The following IQGAP1 variants were observed in gnomAD, a reference collection of about 807,000 sequenced individuals.
IQGAP1 encodes IQ motif containing GTPase activating protein 1, also known as ras GTPase-activating-like protein IQGAP1.
IQGAP1 carries 66 observed loss-of-function variants against 215.6 expected under a neutral mutation model. The ratio of observed to expected loss-of-function variants is 0.31; its 90% CI spans 0.25 to 0.38. The LOEUF is 0.38. Ranked by LOEUF, IQGAP1 falls within the 10% of genes least tolerant of loss-of-function variation. The probability of loss-of-function intolerance (pLI) is 1.00; values close to 1 mark genes in which losing one functional copy is unlikely to be tolerated. For missense variants in IQGAP1, 1,712 were observed against 1,997.1 expected, an observed-to-expected ratio of 0.86 and a Z score of 2.72; for synonymous variants, 772 against 728.7, an observed-to-expected ratio of 1.06 and a Z score of -0.96.
In IQGAP1 at chr15:90,450,942, C is replaced by T. The variant is rs1596272882; in HGVS notation, c.1162+1299C>T. ...GTCTCTTCACTTTGTTGTTGGTTTC[C>T]TTTGCTGTGCAGAAGCTTTTTAGCT... On this transcript the variant is annotated intron_variant, in intron 11 of 37. Coordinates refer to ENST00000268182, the MANE Select transcript of IQGAP1 (RefSeq NM_003870.4). 2.0e-5 allele frequency among the ~76,000 whole-genome samples: 3 copies of T among 151,786 alleles called. No homozygotes were observed. The East Asian group carries it at 5.8e-4, about 29-fold the overall frequency.
chr15:90,394,135 C>CA (rs56810085), intron 2 of IQGAP1, among the ~76,000 whole-genome samples: 1,880 of 73,970 alleles, frequency 0.025, 21 homozygotes, highest in East Asian at 0.041. Flanking sequence ...AACTCTGTCT[C>CA]AAAAAAAAAA....
intron 15 of IQGAP1, among the ~76,000 whole-genome samples, chr15:90,457,286 T>TTAATGATA: frequency 6.6e-6 from 1 of 152,184 alleles, no homozygotes; most frequent in South Asian, 2.1e-4. Flanking sequence ...CTAAATAATG[T>TTAATGATA]TAATGATATG....
At chr15:90,420,920 A>G in intron 2 of IQGAP1, among the ~76,000 whole-genome samples, 1 of 152,158 alleles carries the variant, frequency 6.6e-6, no homozygotes, top group East Asian at 1.9e-4. Context: ...TGGGAGGCCA[A>G]GGTGGGCGGA....
chr15:90,399,538 C>T (rs1964776395), intron 2 of IQGAP1, among the ~76,000 whole-genome samples: 1 of 152,076 alleles, frequency 6.6e-6, no homozygotes, highest in African/African-American at 2.4e-5. Flanking sequence ...TTGTTTTCTT[C>T]ATTGTAGTTT....
intron 15 of IQGAP1, among the ~76,000 whole-genome samples, chr15:90,457,799 C>A (rs1321132180): frequency 6.6e-6 from 1 of 152,046 alleles, no homozygotes; most frequent in Admixed American, 6.5e-5. Context: ...ATGTGCATTT[C>A]TGTTAGGTAT....
chr15:90,488,261 T>TAAAA (rs1555441989), intron 33 of IQGAP1, among the ~76,000 whole-genome samples: 2 of 151,404 alleles, frequency 1.3e-5, no homozygotes, highest in African/African-American at 2.4e-5. Context: ...AATAAATAAA[T>TAAAA]AAAATGTTGT....
chr15:90,445,244 C>T (rs1815245396), intron 9 of IQGAP1, among the ~76,000 whole-genome samples: 2 of 151,604 alleles, frequency 1.3e-5, no homozygotes, highest in South Asian at 4.2e-4. Flanking sequence ...CCTGCAGTAG[C>T]GTTGTTAGAC....
intron 33 of IQGAP1, among the ~76,000 whole-genome samples, chr15:90,489,428 A>G (rs1375777701): frequency 3.3e-5 from 5 of 152,212 alleles, no homozygotes; most frequent in African/African-American, 9.6e-5. Context: ...GCACCCGGCC[A>G]TAGACCTCTG....
intron 2 of IQGAP1, among the ~76,000 whole-genome samples, chr15:90,407,214 C>G (rs1964892066): frequency 6.6e-6 from 1 of 151,916 alleles, no homozygotes; most frequent in South Asian, 2.1e-4. Flanking sequence ...AGAGCGTGTT[C>G]GATGAGTATG....
rs1482590777 is a variant in IQGAP1 at position 90,441,491 on chromosome 15, T to G, written c.650-15T>G. 2 of 1,589,130 alleles carry G rather than the reference T, an allele frequency of 1.3e-6. No homozygotes were observed. The highest frequency in any genetic ancestry group is 1.4e-5 in the African/African-American group (1 of 72,914). On this transcript the variant is annotated splice_polypyrimidine_tract_variant and intron_variant, in intron 7 of 37. Transcript: ENST00000268182. ...CAGTGTTTTTGTTGGTTTGTTTTTT[T>G]GTTTTTTTTTTTAGTACATGCTGCT... is the stretch of plus-strand genomic sequence containing the variant.
At position 90,388,366 on chromosome 15, in the gene IQGAP1, G is replaced by A; in HGVS notation, c.25G>A (p.Gly9Arg). Residue 9 changes from glycine to arginine, a missense_variant, in exon 1 of 38, where the codon GGG (glycine) becomes AGG (arginine). Around this residue, in one of 2 missense-constraint regions of IQGAP1, gnomAD observed 1,021 missense variants for 1,074.2 expected, o/e 0.95. Transcript: ENST00000268182. Reference protein sequence around the residue: MSAADEVDGLGVARPHYGS... With the variant: MSAADEVDRLGVARPHYGS... ...CATGTCCGCCGCAGACGAGGTTGACGGGCTGGGCGTGGCCCGGCCGCACTA... is the reference window on the plus strand; with the variant it reads ...CATGTCCGCCGCAGACGAGGTTGACAGGCTGGGCGTGGCCCGGCCGCACTA... 6.3e-7 allele frequency: 1 copy of A among 1,593,812 alleles called. No individual in the cohort carries two copies. The highest frequency in any genetic ancestry group is 1.7e-5 in the Admixed American group (1 of 59,004).
chr15:90,445,071 G>A (rs1965508216), intron 9 of IQGAP1, among the ~76,000 whole-genome samples: 1 of 152,058 alleles, frequency 6.6e-6, no homozygotes, highest in Non-Finnish European at 1.5e-5. Flanking sequence ...ACAGTGAGCT[G>A]TGTTCGCACC....
chr15:90,466,395 A>T lies in IQGAP1; in HGVS notation c.1994A>T (p.His665Leu). ...ATCCCTGAGTGTGGTGAAACTTACC[A>T]CAGTGATCTTGCTGAAGCCAAGAAG... is the stretch of plus-strand genomic sequence containing the variant. ...GVIPECGETY[H>L]SDLAEAKKKK... Residue 665 changes from histidine (H) to leucine (L), a missense_variant, in exon 17 of 38, where the codon CAC becomes CTC. This residue lies in a region of IQGAP1 where 1,021 missense variants were observed against 1,074.2 expected (regional missense o/e 0.95). Transcript: ENST00000268182. 6.2e-7 allele frequency: 1 copy of T among 1,614,110 alleles called. No individual in the cohort carries two copies. Among genetic ancestry groups the T allele is most frequent in the Non-Finnish European group, 8.5e-7 (1 of 1,180,010 alleles).
chr15:90,492,420 A>G, intron 34 of IQGAP1, 125 bp from the exon 35 acceptor site: 2 of 86,760 alleles, frequency 2.3e-5, no homozygotes, highest in East Asian at 2.5e-4. Flanking sequence ...CAGAGTGTCT[A>G]AAAAAAAAAA....
chr15:90,451,738 T>G (rs1263553363), intron 11 of IQGAP1, among the ~76,000 whole-genome samples: 1 of 151,952 alleles, frequency 6.6e-6, no homozygotes, highest in Non-Finnish European at 1.5e-5. Flanking sequence ...CTGATGTGTG[T>G]TCTTGGTGTC....
Position 90,483,612 on chromosome 15 carries a change from G to A in IQGAP1, c.3788+19G>A. 1 of 1,506,766 alleles carries A rather than the reference G, an allele frequency of 6.6e-7. No individual in the cohort carries two copies. The highest frequency in any genetic ancestry group is 9.2e-7 in the Non-Finnish European group (1 of 1,089,080). 93.3% of individuals were successfully genotyped at this position (1,506,766 alleles called of 1,614,324 possible). A position where few individuals can be genotyped will look rare whatever the true frequency, so the allele number is the denominator to read the frequency against. ...AATTCAGGTAAGGGGAAAGGCACAAGTGCTTAAGAGAGTCTGTGGATGTAT... is the reference window on the plus strand; with the variant it reads ...AATTCAGGTAAGGGGAAAGGCACAAATGCTTAAGAGAGTCTGTGGATGTAT... On this transcript the variant is annotated intron_variant, in intron 29 of 37. Coordinates refer to ENST00000268182, the MANE Select transcript of IQGAP1 (RefSeq NM_003870.4).
intron 2 of IQGAP1, among the ~76,000 whole-genome samples, chr15:90,394,446 C>A (rs1447825482): frequency 6.6e-6 from 1 of 152,102 alleles, no homozygotes; most frequent in African/African-American, 2.4e-5. Context: ...GGACTAGAAT[C>A]CCTGTCAGCC....
chr15:90,495,075 T>C (rs1966253643), intron 36 of IQGAP1, among the ~76,000 whole-genome samples: 1 of 152,252 alleles, frequency 6.6e-6, no homozygotes, highest in Non-Finnish European at 1.5e-5. Flanking sequence ...GGGTCTGATC[T>C]TAATTTTTCC....
chr15:90,439,837 A>T (rs969272911), intron 6 of IQGAP1, among the ~76,000 whole-genome samples: 1 of 152,106 alleles, frequency 6.6e-6, no homozygotes, highest in Non-Finnish European at 1.5e-5. Context: ...ATTTAAGCTT[A>T]TTTGGGTGGG....
Sources: gnomAD v4.1 joint callset for allele counts (sites outside exome capture counted in the v4.1 genomes callset) on GRCh38, gnomAD v4.1.1 for gene constraint, gnomAD v4.1.1 regional missense constraint, MANE v1.5 for transcripts, NCBI Gene and HGNC (gene_info 2026-07-23, HGNC 2026-07-21) for gene names.